The following ZNF143 variants were observed in gnomAD, a reference collection of about 807,000 sequenced individuals.
ZNF143 encodes SPH-binding factor.
Under a neutral mutation model 74.1 loss-of-function variants are expected in ZNF143, and 49 were observed. The observed-to-expected ratio is 0.66, with a 90% CI of 0.53 to 0.84. The LOEUF (loss-of-function observed/expected upper bound fraction) is 0.84, where lower values mean the gene tolerates loss of function less well. Ranked by LOEUF, ZNF143 falls within the 40% of genes least tolerant of loss-of-function variation. The pLI is 0.00. For synonymous variants in ZNF143, 304 were observed against 282.8 expected, an observed-to-expected ratio of 1.07 and a Z score of -0.75; for missense variants, 637 against 793.4, an observed-to-expected ratio of 0.80 and a Z score of 2.37.
rs546439520 is a variant in ZNF143 at position 9,511,549 on chromosome 11, G to A, written c.1376-899G>A. On this transcript the variant is annotated intron_variant, in intron 12 of 15. Transcript: ENST00000396602. ...GATCTCCTGACCTCATGATCCGCCC[G>A]CCTTGGCCTCCCAAAGTGCTGGGAT... Among the ~76,000 whole-genome samples, 144 of 149,810 alleles carry A rather than the reference G, an allele frequency of 9.6e-4. 1 individual carries two copies. The highest frequency in any genetic ancestry group is 3.4e-3 in the Middle Eastern group (1 of 292).
chr11:9,501,716 A>G (rs1404333782), intron 11 of ZNF143, among the ~76,000 whole-genome samples: 1 of 152,056 alleles, frequency 6.6e-6, no homozygotes, highest in Non-Finnish European at 1.5e-5. Context: ...GGCAGGGGAA[A>G]TGTCATGGGG....
chr11:9,469,792 C>T (rs1231729897), intron 1 of ZNF143, among the ~76,000 whole-genome samples: 1 of 152,176 alleles, frequency 6.6e-6, no homozygotes, highest in African/African-American at 2.4e-5. Flanking sequence ...AGGTGATCCA[C>T]CTGCTTTGGC....
At position 9,516,188 on chromosome 11, in the gene ZNF143, C is replaced by G; in HGVS notation, c.1525-13C>G. ...GAAACATTGACTGCTTTGTAAAATT[C>G]ACTGTATTGCAGGTCAACATATCTC... On this transcript the variant is annotated splice_polypyrimidine_tract_variant and intron_variant, in intron 13 of 15. Transcript: ENST00000396602. 1 of 1,612,368 alleles carries G rather than the reference C, an allele frequency of 6.2e-7. No homozygotes were observed. Among genetic ancestry groups the G allele is most frequent in the Non-Finnish European group, 8.5e-7 (1 of 1,178,846 alleles).
intron 5 of ZNF143, 114 bp downstream of exon 5, chr11:9,474,747 A>G (rs1856781684): frequency 9.1e-7 from 1 of 1,103,086 alleles, no homozygotes; most frequent in African/African-American, 1.6e-5. Context: ...GTATTTATTC[A>G]TTAAAGTACA....
chr11:9,481,311 C>A (rs557056389), intron 7 of ZNF143, among the ~76,000 whole-genome samples: 5 of 152,006 alleles, frequency 3.3e-5, no homozygotes, highest in Admixed American at 6.6e-5. Flanking sequence ...TCCCTTGAGC[C>A]CGTGGTTTGA....
At chr11:9,480,867 A>C (rs1042912596) in intron 7 of ZNF143, among the ~76,000 whole-genome samples, 1 of 151,686 alleles carries the variant, frequency 6.6e-6, no homozygotes, top group Non-Finnish European at 1.5e-5. Context: ...AGCCTGGGCA[A>C]CAAGAACGAA....
intron 9 of ZNF143, among the ~76,000 whole-genome samples, chr11:9,497,221 A>G (rs1033256912): frequency 2.0e-5 from 3 of 152,114 alleles, no homozygotes; most frequent in Admixed American, 6.6e-5. Flanking sequence ...GAGCTATGAT[A>G]CTTTTGTACA....
chr11:9,525,249 G>C lies in ZNF143; in HGVS notation c.1696G>C (p.Val566Leu), dbSNP rs1365128530. Residue 566 changes from valine (V) to leucine (L), a missense_variant, in exon 15 of 16, where the codon GTA becomes CTA. By Grantham distance (32) the Val-to-Leu change is conservative. Coordinates refer to ENST00000396602, the MANE Select transcript of ZNF143 (RefSeq NM_003442.6). ...TTTTGTTTTGCTTAAGGTTGCAATT[G>C]TAGCTCAAGACTTGGCAGCATTCCA... The part of the protein sequence containing the change: ...EGTEGEQVAI[V>L]AQDLAAFHTA... 6.2e-7 allele frequency: 1 copy of C among 1,614,098 alleles called. No individual in the cohort carries two copies. The highest frequency in any genetic ancestry group is 8.5e-7 in the Non-Finnish European group (1 of 1,180,008).
intron 14 of ZNF143, among the ~76,000 whole-genome samples, chr11:9,523,542 G>A (rs930206810): frequency 9.2e-4 from 136 of 147,976 alleles, no homozygotes; most frequent in African/African-American, 3.3e-3. Flanking sequence ...GACCATCCTG[G>A]CTAACACGGT....
In ZNF143 at chr11:9,501,165, G is replaced by T. The variant is rs775769334; in HGVS notation, c.1042G>T (p.Val348Phe). ...AACATCAAATATCAGAAAAGTGCAC[G>T]TTAGGACACACACAGGAGAAAGACC... is the stretch of plus-strand genomic sequence containing the variant. ...FTTSNIRKVH[V>F]RTHTGERPYY... The change falls in exon 11 of 16, where the codon GTT becomes TTT. Residue 348 changes from valine to phenylalanine, a missense_variant. By Grantham distance (50) the Val-to-Phe change is conservative. Around this residue, in one of 2 missense-constraint regions of ZNF143, gnomAD observed 344 missense variants for 485.6 expected, o/e 0.71. Coordinates refer to ENST00000396602, the MANE Select transcript of ZNF143 (RefSeq NM_003442.6). 6.2e-7 allele frequency: 1 copy of T among 1,614,158 alleles called. No homozygotes were observed. The highest frequency in any genetic ancestry group is 8.5e-7 in the Non-Finnish European group (1 of 1,180,034).
chr11:9,505,887 A>AT (rs1848346401), intron 11 of ZNF143, among the ~76,000 whole-genome samples: 2 of 151,980 alleles, frequency 1.3e-5, no homozygotes, highest in African/African-American at 2.4e-5. Context: ...TCAAAAAAAA[A>AT]AAAAAAAAAA....
intron 5 of ZNF143, among the ~76,000 whole-genome samples, chr11:9,478,040 A>C (rs1221786394): frequency 6.6e-6 from 1 of 152,118 alleles, no homozygotes; most frequent in Non-Finnish European, 1.5e-5. Context: ...GTTAGCCAGG[A>C]TGGTCTCAAT....
intron 1 of ZNF143, among the ~76,000 whole-genome samples, chr11:9,470,292 C>G (rs1322187794): frequency 1.3e-5 from 2 of 152,124 alleles, no homozygotes; most frequent in Non-Finnish European, 2.9e-5. Context: ...AGTGAGCAAA[C>G]AAACAGAAGT....
At chr11:9,521,768 A>G (rs1167133581) in intron 14 of ZNF143, among the ~76,000 whole-genome samples, 1 of 152,100 alleles carries the variant, frequency 6.6e-6, no homozygotes, top group Non-Finnish European at 1.5e-5. Context: ...TCTCTTTAAT[A>G]TACATAGGAT....
chr11:9,498,471 A>G (rs1016616898), intron 10 of ZNF143, among the ~76,000 whole-genome samples: 2 of 152,216 alleles, frequency 1.3e-5, no homozygotes, highest in African/African-American at 4.8e-5. Flanking sequence ...GTAGCTGCTA[A>G]AGAAAGTGTC....
rs201240423 is a variant in ZNF143 at position 9,478,418 on chromosome 11, G to A, written c.402G>A (p.Ala134=). 21 of 1,613,940 alleles carry A rather than the reference G, an allele frequency of 1.3e-5. No individual in the cohort carries two copies. The highest frequency in any genetic ancestry group is 5.3e-5 in the African/African-American group (4 of 74,984). ...GTTATGACCAGAGTGCATTACAGGC[G>A]GTTCAGCTGGAAGATGGTACCACAG... The part of the protein sequence containing the change: ...KDSYDQSALQ[A]VQLEDGTTAY... Residue 134 remains alanine (A), a synonymous_variant, in exon 6 of 16, where the codon GCG becomes GCA. Coordinates refer to ENST00000396602, the MANE Select transcript of ZNF143 (RefSeq NM_003442.6).
At chr11:9,492,436 A>G (rs1030342516) in intron 7 of ZNF143, among the ~76,000 whole-genome samples, 14 of 151,200 alleles carry the variant, frequency 9.3e-5, no homozygotes, top group Admixed American at 1.3e-4. Flanking sequence ...TTTAGTAGAG[A>G]CAGGGTTTCA....
At chr11:9,499,688 C>G (rs1215412240) in intron 10 of ZNF143, among the ~76,000 whole-genome samples, 1 of 152,074 alleles carries the variant, frequency 6.6e-6, no homozygotes, top group African/African-American at 2.4e-5. Flanking sequence ...TGCATTCCAG[C>G]CTGAGCAACA....
At chr11:9,526,506 T>G (rs1234803397) in intron 15 of ZNF143, among the ~76,000 whole-genome samples, 1 of 152,188 alleles carries the variant, frequency 6.6e-6, no homozygotes, top group African/African-American at 2.4e-5. Flanking sequence ...TTATGTAGTT[T>G]ATGGGTATAG....
Sources: gnomAD v4.1 joint callset for allele counts (sites outside exome capture counted in the v4.1 genomes callset) on GRCh38, gnomAD v4.1.1 for gene constraint, gnomAD v4.1.1 regional missense constraint, MANE v1.5 for transcripts, NCBI Gene and HGNC (gene_info 2026-07-23, HGNC 2026-07-21) for gene names.